ITPR1: variants seen among roughly 807,000 people sequenced by gnomAD.
ITPR1 encodes inositol 1,4,5-trisphosphate-gated calcium channel ITPR1.
ITPR1 carries 96 observed loss-of-function variants against 318.4 expected under a neutral mutation model. The observed-to-expected ratio is 0.30, with a 90% CI of 0.26 to 0.36. The LOEUF is 0.36. ITPR1 is among the 10% of genes least tolerant of loss of function. The pLI, the probability that ITPR1 is intolerant of heterozygous loss-of-function variation, is 1.00. For synonymous variants in ITPR1, 1,312 were observed against 1,289.9 expected (o/e 1.02, Z -0.37); for missense variants, 2,440 against 3,460.2 (o/e 0.71, Z 7.40).
rs1428862599 is a variant in ITPR1 at position 4,652,110 on chromosome 3, A to G, written c.856-13A>G. On this transcript the variant is annotated splice_polypyrimidine_tract_variant and intron_variant, in intron 10 of 61. Transcript: ENST00000649015. Reference sequence around the variant, plus strand: ...GTTGACATTTCATTGACTCCTGTTGATCATTCTTGCAGGTGGTCCAGCATG... The same window carrying G: ...GTTGACATTTCATTGACTCCTGTTGGTCATTCTTGCAGGTGGTCCAGCATG... 6.2e-7 allele frequency: 1 copy of G among 1,601,032 alleles called. No individual in the cohort carries two copies. The highest frequency in any genetic ancestry group is 1.3e-5 in the African/African-American group (1 of 74,712).
rs200004069 is a variant in ITPR1 at position 4,735,164 on chromosome 3, G to C, written c.5354G>C (p.Gly1785Ala). The change falls in exon 44 of 62, where the codon GGG (glycine) becomes GCG (alanine). Residue 1785 changes from glycine to alanine, a missense_variant and splice_region_variant. Around this residue, in one of 23 missense-constraint regions of ITPR1, gnomAD observed 166 missense variants for 143.7 expected, o/e 1.16. Coordinates refer to ENST00000649015, the MANE Select transcript of ITPR1 (RefSeq NM_001378452.1). ...TAAAAACAATATTCCATCTTCTTAG[G>C]GGGAGGTTCCGGATCCAGCTCTATG... ...AGGPGKPGGG[G>A]GGSGSSSMSR... 5 of 1,611,636 alleles carry C rather than the reference G, an allele frequency of 3.1e-6. No homozygotes were observed. The South Asian group carries it at 4.4e-5, about 14-fold the overall frequency.
intron 55 of ITPR1, among the ~76,000 whole-genome samples, chr3:4,807,849 C>CTCATG (rs2048687150): frequency 6.6e-6 from 1 of 152,208 alleles, no homozygotes; most frequent in Non-Finnish European, 1.5e-5. Context: ...GCCATCATGT[C>CTCATG]CCTGGACAAC....
intron 47 of ITPR1, among the ~76,000 whole-genome samples, chr3:4,775,774 A>G (rs2046447036): frequency 6.6e-6 from 1 of 152,242 alleles, no homozygotes; most frequent in Admixed American, 6.5e-5. Flanking sequence ...ACAGTGACCT[A>G]TTTTAAATAC....
chr3:4,809,533 GA>G (rs1252682466), intron 55 of ITPR1, among the ~76,000 whole-genome samples: 2 of 152,180 alleles, frequency 1.3e-5, no homozygotes, highest in Non-Finnish European at 2.9e-5. Flanking sequence ...TTTAAGGCCA[GA>G]AGGAATTAAG....
At position 4,683,749 on chromosome 3, in the gene ITPR1, A is replaced by C; in HGVS notation, c.3449A>C (p.Asp1150Ala). The change falls in exon 28 of 62, where the codon GAT (aspartate) becomes GCT (alanine). Residue 1150 changes from aspartate (D) to alanine (A), a missense_variant. Physicochemically the swap from Asp to Ala is moderately radical, Grantham distance 126. Around this residue, in one of 23 missense-constraint regions of ITPR1, gnomAD observed 86 missense variants for 75.6 expected, o/e 1.14. Transcript: ENST00000649015. ...TGGGTGTACAAAGGGCAGGGCCCCG[A>C]TGAGACTATGGATGGTGCATCTGGA... Reference protein sequence around the residue: ...ELWVYKGQGPDETMDGASGEN... With the variant: ...ELWVYKGQGPAETMDGASGEN... The C allele has an allele frequency of 2.5e-6, 4 of 1,614,060 alleles. No individual in the cohort carries two copies. Among genetic ancestry groups the C allele is most frequent in the Non-Finnish European group, 3.4e-6 (4 of 1,179,886 alleles).
At chr3:4,781,710 C>G (rs2046849205) in intron 49 of ITPR1, among the ~76,000 whole-genome samples, 1 of 152,172 alleles carries the variant, frequency 6.6e-6, no homozygotes, top group Non-Finnish European at 1.5e-5. Context: ...GAAACAGGTG[C>G]AGTGGCTCAC....
In ITPR1 at chr3:4,675,213, A is replaced by G. The variant is rs2094159568; in HGVS notation, c.2744A>G (p.Glu915Gly). 1 of 1,612,348 alleles carries G rather than the reference A, an allele frequency of 6.2e-7. No individual in the cohort carries two copies. Among genetic ancestry groups the G allele is most frequent in the African/African-American group, 1.3e-5 (1 of 74,848 alleles). ...FPISKMAKGEENKGNNDVEKL... is the reference protein window; with the variant it reads ...FPISKMAKGEGNKGNNDVEKL... Reference sequence around the variant, plus strand: ...ATTAGCAAGATGGCGAAAGGAGAAGAGAATAAAGGTAACAATGATGTGGAG... The same window carrying G: ...ATTAGCAAGATGGCGAAAGGAGAAGGGAATAAAGGTAACAATGATGTGGAG... The change falls in exon 23 of 62, where the codon GAG (glutamate) becomes GGG (glycine). Residue 915 changes from glutamate (E) to glycine (G), a missense_variant. By Grantham distance (98) the Glu-to-Gly change is moderately conservative. Transcript: ENST00000649015.
At chr3:4,615,380 T>C (rs1167752570) in intron 4 of ITPR1, among the ~76,000 whole-genome samples, 2 of 150,446 alleles carry the variant, frequency 1.3e-5, no homozygotes, top group Non-Finnish European at 3.0e-5. Flanking sequence ...TTTCTTTTTT[T>C]TTTTTTTTTT....
At chr3:4,768,837 C>T (rs1013145652) in intron 46 of ITPR1, 73 bp downstream of exon 46, 10 of 1,427,650 alleles carry the variant, frequency 7.0e-6, no homozygotes, top group Non-Finnish European at 8.7e-6. Flanking sequence ...TCTGATGGTT[C>T]AGCACCTCTC....
chr3:4,745,972 A>T (rs1205582360), intron 44 of ITPR1, among the ~76,000 whole-genome samples: 1 of 152,108 alleles, frequency 6.6e-6, no homozygotes, highest in Non-Finnish European at 1.5e-5. Context: ...ACCTCCTGGG[A>T]GTTTAACCAT....
chr3:4,825,559 G>A (rs1329418926), intron 60 of ITPR1, among the ~76,000 whole-genome samples: 1 of 152,154 alleles, frequency 6.6e-6, no homozygotes, highest in Admixed American at 6.5e-5. Context: ...ACATCTATGA[G>A]GAAACATTAT....
At chr3:4,583,739 C>T (rs956491747) in intron 4 of ITPR1, among the ~76,000 whole-genome samples, 1 of 152,096 alleles carries the variant, frequency 6.6e-6, no homozygotes, top group Non-Finnish European at 1.5e-5. Context: ...TCTAGTTCTG[C>T]GCTGGGAACT....
rs536564106 is a variant in ITPR1, at chr3:4,834,060, T to A, written c.8029-2714T>A. ...GTGCCCACCACCACACCGAGCTAAT[T>A]ATTTTTATTTTTTATAGAGATGGAG... On this transcript the variant is annotated intron_variant, in intron 60 of 61. Coordinates refer to ENST00000649015, the MANE Select transcript of ITPR1 (RefSeq NM_001378452.1). 7.0e-4 allele frequency among the ~76,000 whole-genome samples: 107 copies of A among 152,226 alleles called. 1 individual carries two copies. Among genetic ancestry groups the A allele is most frequent in the African/African-American group, 2.5e-3 (105 of 41,548 alleles).
At chr3:4,518,760 CT>C (rs985547907) in intron 3 of ITPR1, among the ~76,000 whole-genome samples, 1 of 152,130 alleles carries the variant, frequency 6.6e-6, no homozygotes, top group Non-Finnish European at 1.5e-5. Flanking sequence ...TCTGAATTGC[CT>C]TTTTAGCTTG....
intron 44 of ITPR1, among the ~76,000 whole-genome samples, chr3:4,739,300 T>C (rs994086114): frequency 2.0e-5 from 3 of 152,180 alleles, no homozygotes; most frequent in Admixed American, 2.0e-4. Context: ...CCGGAGCTGG[T>C]GGAGCACGGT....
intron 4 of ITPR1, among the ~76,000 whole-genome samples, chr3:4,610,609 C>A (rs1211798554): frequency 6.6e-6 from 1 of 152,052 alleles, no homozygotes; most frequent in East Asian, 1.9e-4. Context: ...AGGGAAATTT[C>A]ATTTGCCTTT....
intron 4 of ITPR1, among the ~76,000 whole-genome samples, chr3:4,559,831 A>AC (rs2086497432): frequency 6.6e-6 from 1 of 152,200 alleles, no homozygotes; most frequent in Admixed American, 6.5e-5. Context: ...AGTAAATGAC[A>AC]GCCTGTATAG....
intron 53 of ITPR1, chr3:4,800,092 G>A: frequency 3.1e-6 from 1 of 321,674 alleles, no homozygotes; most frequent in Non-Finnish European, 5.7e-6. Flanking sequence ...ATGACTGGAA[G>A]CAGGGAGTAC....
At chr3:4,609,452 A>T (rs1372002478) in intron 4 of ITPR1, among the ~76,000 whole-genome samples, 2 of 152,028 alleles carry the variant, frequency 1.3e-5, no homozygotes, top group Admixed American at 1.3e-4. Context: ...TCGTCTAATT[A>T]GTTGTTTCTT....
Sources: allele counts gnomAD v4.1 joint callset (sites outside exome capture counted in the v4.1 genomes callset), GRCh38; gene constraint gnomAD v4.1.1; regional missense constraint gnomAD v4.1.1; transcripts MANE v1.5; gene names NCBI Gene and HGNC (gene_info 2026-07-23, HGNC 2026-07-21).